Variants in NMNAT2 observed in about 807,000 individuals in gnomAD.
NMNAT2 encodes the protein nicotinamide/nicotinic acid mononucleotide adenylyltransferase 2.
Under a neutral mutation model 41.6 loss-of-function variants are expected in NMNAT2, and 11 were observed. The observed-to-expected ratio is 0.26, with a 90% confidence interval of 0.17 to 0.44. The LOEUF (loss-of-function observed/expected upper bound fraction) is 0.44, where lower values mean the gene tolerates loss of function less well. NMNAT2 is among the 20% of genes least tolerant of loss of function. NMNAT2 has a pLI of 1.00. For synonymous variants in NMNAT2, 148 were observed against 151.2 expected (o/e 0.98, Z 0.16); for missense variants, 288 against 407.7 (o/e 0.71, Z 2.53).
intron 10 of NMNAT2, among the ~76,000 whole-genome samples, chr1:183,256,899 G>A (rs953083788): frequency 6.6e-6 from 1 of 151,844 alleles, no homozygotes; most frequent in East Asian, 1.9e-4. Flanking sequence ...TTACAGTCAC[G>A]TGCCACCATG....
chr1:183,403,686 A>C (rs1440735485), intron 1 of NMNAT2, among the ~76,000 whole-genome samples: 1 of 152,246 alleles, frequency 6.6e-6, no homozygotes, highest in Non-Finnish European at 1.5e-5. Context: ...TTTACTGGGC[A>C]AACTGGGATG....
chr1:183,394,462 T>C (rs1222842348), intron 1 of NMNAT2, among the ~76,000 whole-genome samples: 1 of 152,220 alleles, frequency 6.6e-6, no homozygotes, highest in Non-Finnish European at 1.5e-5. Context: ...ATTAATGACT[T>C]CTTTTCCAAC....
intron 1 of NMNAT2, among the ~76,000 whole-genome samples, chr1:183,369,629 T>C (rs185531749): frequency 1.3e-5 from 2 of 152,172 alleles, no homozygotes; most frequent in Admixed American, 6.5e-5. Context: ...CTCAGCACTT[T>C]AACTGTCTTT....
chr1:183,278,585 A>C lies in NMNAT2; in HGVS notation c.619T>G (p.Phe207Val), dbSNP rs774102538. ...TCGTTCCAGAGCCCTGGGATGCAGA[A>C]GGACTCCAGCAGGTCACTACCACAC... is the stretch of plus-strand genomic sequence containing the variant. ...LLCGSDLLES[F>V]CIPGLWNEAD... Residue 207 changes from phenylalanine (F) to valine (V), a missense_variant, in exon 8 of 11, where the codon TTC (phenylalanine) becomes GTC (valine). Transcript: ENST00000287713. 1 of 1,613,958 alleles carries C rather than the reference A, an allele frequency of 6.2e-7. No homozygotes were observed. The highest frequency in any genetic ancestry group is 1.7e-5 in the Admixed American group (1 of 60,018).
Position 183,315,392 on chromosome 1 carries a change from A to G in NMNAT2, c.86-21599T>C, listed in dbSNP as rs552168547. The stretch of plus-strand genomic sequence containing the variant: ...TCAAAAATGTATCACGCATGTCGGT[A>G]ACATGTGCAATAACAAGTCTTGAAT... On this transcript the variant is annotated intron_variant, in intron 1 of 10. Coordinates refer to ENST00000287713, the MANE Select transcript of NMNAT2 (RefSeq NM_015039.4). 9.3e-4 allele frequency among the ~76,000 whole-genome samples: 140 copies of G among 150,116 alleles called. 3 individuals are homozygous for G. The East Asian group carries it at 0.028, about 30-fold the overall frequency.
At chr1:183,409,644 T>C (rs1649060485) in intron 1 of NMNAT2, among the ~76,000 whole-genome samples, 1 of 152,130 alleles carries the variant, frequency 6.6e-6, no homozygotes, top group African/African-American at 2.4e-5. Flanking sequence ...AGAATAGAAA[T>C]AGGTCTTGAT....
At chr1:183,411,451 G>C (rs1383600023) in intron 1 of NMNAT2, among the ~76,000 whole-genome samples, 2 of 152,144 alleles carry the variant, frequency 1.3e-5, no homozygotes, top group African/African-American at 2.4e-5. Flanking sequence ...TTACAGGCAT[G>C]CACCACCAGG....
intron 1 of NMNAT2, among the ~76,000 whole-genome samples, chr1:183,370,674 G>C (rs1663516901): frequency 6.6e-6 from 1 of 152,206 alleles, no homozygotes; most frequent in Non-Finnish European, 1.5e-5. Flanking sequence ...TACTGGTGGG[G>C]ATCCATTGAT....
chr1:183,397,461 A>T (rs1221011051), intron 1 of NMNAT2, among the ~76,000 whole-genome samples: 1 of 152,196 alleles, frequency 6.6e-6, no homozygotes, highest in African/African-American at 2.4e-5. Context: ...AGTGATGGGG[A>T]GAATGGAACC....
intron 1 of NMNAT2, among the ~76,000 whole-genome samples, chr1:183,353,409 A>G (rs918648087): frequency 4.6e-5 from 7 of 152,086 alleles, no homozygotes; most frequent in African/African-American, 1.7e-4. Flanking sequence ...TCCTTTTGAT[A>G]TTTTCTCAAA....
chr1:183,399,223 A>C (rs922411824), intron 1 of NMNAT2, among the ~76,000 whole-genome samples: 17 of 130,964 alleles, frequency 1.3e-4, no homozygotes, highest in African/African-American at 3.8e-4. Flanking sequence ...AAAATGATAA[A>C]GGGGATATCA....
chr1:183,253,991 T>G lies in NMNAT2; in HGVS notation c.822-1248A>C, dbSNP rs1660458721. Among the ~76,000 whole-genome samples the G allele has an allele frequency of 2.6e-5, 4 of 152,008 alleles. No homozygotes were observed. In the South Asian group the frequency reaches 8.3e-4, roughly 31 times the overall value. On this transcript the variant is annotated intron_variant, in intron 10 of 10. Transcript: ENST00000287713. ...TTTTCTTTATCTATTCATCCATTGATGGACGTCTAGGTTGTTTCCACATCT... is the reference window on the plus strand; with the variant it reads ...TTTTCTTTATCTATTCATCCATTGAGGGACGTCTAGGTTGTTTCCACATCT...
intron 8 of NMNAT2, among the ~76,000 whole-genome samples, chr1:183,275,751 C>A (rs1300489525): frequency 2.0e-5 from 3 of 152,150 alleles, no homozygotes; most frequent in Non-Finnish European, 4.4e-5. Context: ...CAGCTCACTG[C>A]AATCTCTGCC....
chr1:183,279,357 A>G (rs950817957), intron 7 of NMNAT2, among the ~76,000 whole-genome samples: 3 of 152,234 alleles, frequency 2.0e-5, no homozygotes, highest in Non-Finnish European at 2.9e-5. Flanking sequence ...AGTGGGGAAC[A>G]ACATTCTGAG....
chr1:183,341,748 C>CAAA (rs369432128), intron 1 of NMNAT2, among the ~76,000 whole-genome samples: 1 of 79,794 alleles, frequency 1.3e-5, no homozygotes, highest in Non-Finnish European at 2.4e-5. Flanking sequence ...AAAAAAAAAA[C>CAAA]CTGTTTCCTT....
chr1:183,295,941 C>T (rs959812488), intron 1 of NMNAT2, among the ~76,000 whole-genome samples: 9 of 151,990 alleles, frequency 5.9e-5, no homozygotes, highest in Non-Finnish European at 7.4e-5. Context: ...CTCCGCCTCC[C>T]GGGCTTAAGC....
chr1:183,341,084 G>C (rs1007218527), intron 1 of NMNAT2, among the ~76,000 whole-genome samples: 1 of 152,206 alleles, frequency 6.6e-6, no homozygotes, highest in African/African-American at 2.4e-5. Flanking sequence ...GGGCGGCTGG[G>C]CTAGAACTTG....
chr1:183,275,050 G>T (rs1366637806), intron 8 of NMNAT2, among the ~76,000 whole-genome samples: 2 of 152,178 alleles, frequency 1.3e-5, no homozygotes, highest in East Asian at 3.9e-4. Flanking sequence ...CCCCAGGTGG[G>T]TGTGGAGCAG....
At chr1:183,366,386 C>A (rs533018935) in intron 1 of NMNAT2, among the ~76,000 whole-genome samples, 1 of 152,284 alleles carries the variant, frequency 6.6e-6, no homozygotes, top group African/African-American at 2.4e-5. Flanking sequence ...AATATTGGCA[C>A]AAATTAAGCA....
Sources: allele counts gnomAD v4.1 joint callset (sites outside exome capture counted in the v4.1 genomes callset), GRCh38; gene constraint gnomAD v4.1.1; transcripts MANE v1.5; gene names NCBI Gene and HGNC (gene_info 2026-07-23, HGNC 2026-07-21).